The following MED13L variants were observed in gnomAD, a reference collection of about 807,000 sequenced individuals.
MED13L encodes mediator of RNA polymerase II transcription subunit 13-like.
Under a neutral mutation model 220.9 loss-of-function variants are expected in MED13L, and 7 were observed. The ratio of observed to expected loss-of-function variants is 0.03; its 90% CI spans 0.02 to 0.06. The LOEUF (loss-of-function observed/expected upper bound fraction) is 0.06, where lower values mean the gene tolerates loss of function less well. Ranked by LOEUF, MED13L falls within the 10% of genes least tolerant of loss-of-function variation. MED13L has a pLI of 1.00. For missense variants in MED13L, 1,965 were observed against 2,760.5 expected (o/e 0.71, Z 6.46); for synonymous variants, 1,011 against 1,015.2 (o/e 1.00, Z 0.08).
At chr12:116,216,836 T>A (rs1373022275) in intron 2 of MED13L, among the ~76,000 whole-genome samples, 1 of 152,200 alleles carries the variant, frequency 6.6e-6, no homozygotes, top group East Asian at 1.9e-4. Flanking sequence ...CTGTACTTGA[T>A]TTGACACTGA....
intron 4 of MED13L, among the ~76,000 whole-genome samples, chr12:116,072,439 T>C (rs1197122564): frequency 2.0e-5 from 3 of 151,712 alleles, no homozygotes; most frequent in Non-Finnish European, 4.4e-5. Flanking sequence ...AACATGCCTG[T>C]TTACAATACA....
intron 1 of MED13L, among the ~76,000 whole-genome samples, chr12:116,244,797 A>T (rs1870962649): frequency 6.6e-6 from 1 of 152,120 alleles, no homozygotes; most frequent in South Asian, 2.1e-4. Flanking sequence ...ACAAAAAATT[A>T]AAAAATAAGC....
At chr12:116,125,351 A>T (rs1197612210) in intron 2 of MED13L, among the ~76,000 whole-genome samples, 1 of 152,216 alleles carries the variant, frequency 6.6e-6, no homozygotes, top group African/African-American at 2.4e-5. Flanking sequence ...ACAACAAACA[A>T]ATTTTTGTAA....
At chr12:116,172,713 T>G (rs922602125) in intron 2 of MED13L, among the ~76,000 whole-genome samples, 1 of 152,058 alleles carries the variant, frequency 6.6e-6, no homozygotes, top group Non-Finnish European at 1.5e-5. Flanking sequence ...ATCTGTCAAT[T>G]TGTGGGAATC....
intron 1 of MED13L, among the ~76,000 whole-genome samples, chr12:116,264,484 T>C (rs1482841912): frequency 1.3e-5 from 2 of 152,216 alleles, no homozygotes; most frequent in African/African-American, 4.8e-5. Flanking sequence ...ATTGATTTTG[T>C]TTATTCGGCC....
At chr12:116,031,759 A>AGAAGGAAG (rs201576613) in intron 4 of MED13L, among the ~76,000 whole-genome samples, 4,604 of 40,784 alleles carry the variant, frequency 0.11, 765 homozygotes, top group Middle Eastern at 0.17. Flanking sequence ...AGAAAAGAAA[A>AGAAGGAAG]GAAGGAAGGA....
intron 2 of MED13L, among the ~76,000 whole-genome samples, chr12:116,199,364 A>G (rs1881852794): frequency 6.6e-6 from 1 of 152,262 alleles, no homozygotes; most frequent in South Asian, 2.1e-4. Flanking sequence ...GAGAGTTTAC[A>G]CAAAAGTGAT....
At chr12:116,201,944 T>G (rs998152373) in intron 2 of MED13L, among the ~76,000 whole-genome samples, 5 of 152,238 alleles carry the variant, frequency 3.3e-5, no homozygotes, top group Non-Finnish European at 7.3e-5. Flanking sequence ...TAAAGAAATA[T>G]GCTTCATTCT....
At chr12:116,260,352 T>C (rs1274411904) in intron 1 of MED13L, among the ~76,000 whole-genome samples, 1 of 152,284 alleles carries the variant, frequency 6.6e-6, no homozygotes, top group East Asian at 1.9e-4. Context: ...CTGAAGCGCA[T>C]ATGTCCATTT....
chr12:115,997,770 C>T (rs1878499557), intron 14 of MED13L, among the ~76,000 whole-genome samples: 1 of 152,164 alleles, frequency 6.6e-6, no homozygotes. Flanking sequence ...GGTCTGGCTT[C>T]ACATTAATTA....
At chr12:116,058,956 A>C (rs997620954) in intron 4 of MED13L, among the ~76,000 whole-genome samples, 22 of 152,244 alleles carry the variant, frequency 1.4e-4, no homozygotes, top group African/African-American at 5.3e-4. Context: ...TAAAGCAATA[A>C]GATACTGTGC....
chr12:116,251,396 G>A (rs1379981761), intron 1 of MED13L, among the ~76,000 whole-genome samples: 7 of 129,012 alleles, frequency 5.4e-5, no homozygotes, highest in African/African-American at 2.0e-4. Context: ...TCCTGACCTC[G>A]TGATCCACCC....
chr12:116,119,809 T>TAAAAAAAA (rs57622950), intron 2 of MED13L, among the ~76,000 whole-genome samples: 5 of 38,782 alleles, frequency 1.3e-4, no homozygotes, highest in East Asian at 7.0e-4. Context: ...CCCATATCTT[T>TAAAAAAAA]AAAAAAAAAA....
intron 3 of MED13L, among the ~76,000 whole-genome samples, chr12:116,104,777 T>C (rs1049590745): frequency 6.6e-6 from 1 of 152,208 alleles, no homozygotes; most frequent in Non-Finnish European, 1.5e-5. Context: ...TTAACATATA[T>C]TTTATTCTAA....
At chr12:116,050,256 A>G (rs1185831259) in intron 4 of MED13L, among the ~76,000 whole-genome samples, 1 of 152,208 alleles carries the variant, frequency 6.6e-6, no homozygotes, top group Non-Finnish European at 1.5e-5. Flanking sequence ...GATCAGGACA[A>G]GTATATACAT....
chr12:116,157,446 G>T (rs935044346), intron 2 of MED13L, among the ~76,000 whole-genome samples: 1 of 151,996 alleles, frequency 6.6e-6, no homozygotes, highest in Non-Finnish European at 1.5e-5. Flanking sequence ...CAGCACTCCA[G>T]CCTTTGTTAA....
At chr12:116,267,549 C>A (rs1303319819) in intron 1 of MED13L, among the ~76,000 whole-genome samples, 1 of 152,166 alleles carries the variant, frequency 6.6e-6, no homozygotes, top group Non-Finnish European at 1.5e-5. Flanking sequence ...TGATTTTTCA[C>A]GCCTCCTGCC....
At chr12:116,174,088 T>G (rs1404071066) in intron 2 of MED13L, among the ~76,000 whole-genome samples, 3 of 152,164 alleles carry the variant, frequency 2.0e-5, no homozygotes, top group Non-Finnish European at 4.4e-5. Flanking sequence ...AGCAAGACCC[T>G]GTGTCTATCA....
In MED13L at chr12:115,961,028, A is replaced by G; in HGVS notation, c.*238T>C. On this transcript the variant is annotated 3_prime_UTR_variant, in exon 31 of 31. Coordinates refer to ENST00000281928, the MANE Select transcript of MED13L (RefSeq NM_015335.5). ...TGGTTGGGGCTACACACACCACCGC[A>G]CTGGCTGAAAGTCACCACTTATGGA... 1.8e-6 allele frequency: 1 copy of G among 559,406 alleles called. No individual in the cohort carries two copies. Among genetic ancestry groups the G allele is most frequent in the South Asian group, 1.9e-5 (1 of 53,712 alleles). 34.7% of individuals were successfully genotyped at this position (559,406 alleles called of 1,614,324 possible).
Sources: gnomAD v4.1 joint callset for allele counts (sites outside exome capture counted in the v4.1 genomes callset) on GRCh38, gnomAD v4.1.1 for gene constraint, MANE v1.5 for transcripts, NCBI Gene and HGNC (gene_info 2026-07-23, HGNC 2026-07-21) for gene names.